Variants in ZFAT observed in about 807,000 individuals in gnomAD.
ZFAT encodes the protein zinc finger and AT-hook domain containing.
In ZFAT, 64 loss-of-function variants were observed where a neutral mutation model predicts 117.7. That is an observed-to-expected ratio of 0.54 (90% CI 0.44 to 0.67). ZFAT has a LOEUF of 0.67. Ranked by LOEUF, ZFAT falls within the 30% of genes least tolerant of loss-of-function variation. The pLI, the probability that ZFAT is intolerant of heterozygous loss-of-function variation, is 0.00. For missense variants in ZFAT, 1,433 were observed against 1,584.5 expected, an observed-to-expected ratio of 0.90 and a Z score of 1.62; for synonymous variants, 679 against 615.0, an observed-to-expected ratio of 1.10 and a Z score of -1.54.
the ZFAT span, among the ~76,000 whole-genome samples, chr8:134,748,037 GGGGTTGT>G: frequency 6.6e-6 from 1 of 152,174 alleles, no homozygotes; most frequent in Non-Finnish European, 1.5e-5. Flanking sequence ...AGAAATATCT[GGGGTTGT>G]GGTAGTTTTT....
intron 1 of ZFAT, among the ~76,000 whole-genome samples, chr8:134,706,698 CA>C (rs1834160280): frequency 6.6e-6 from 1 of 151,800 alleles, no homozygotes; most frequent in Non-Finnish European, 1.5e-5. Context: ...ATCTCAAAAA[CA>C]AACAAACAAA....
chr8:134,677,511 G>A (rs1262891365), intron 1 of ZFAT, among the ~76,000 whole-genome samples: 1 of 152,106 alleles, frequency 6.6e-6, no homozygotes, highest in Non-Finnish European at 1.5e-5. Context: ...TTCTACCAGA[G>A]GTATGAAAAG....
At chr8:134,599,692 G>C in intron 7 of ZFAT, 6 of 434,180 alleles carry the variant, frequency 1.4e-5, no homozygotes, top group South Asian at 1.0e-4. Context: ...TTTGCTGTCT[G>C]TAGCATAAAA....
At chr8:134,815,224 C>CA in the ZFAT span, among the ~76,000 whole-genome samples, 2 of 152,166 alleles carry the variant, frequency 1.3e-5, no homozygotes, top group Admixed American at 1.3e-4. Context: ...AAAAGGAAAA[C>CA]AATCCACAAA....
intron 1 of ZFAT, among the ~76,000 whole-genome samples, chr8:134,676,929 T>C (rs1832834100): frequency 6.6e-6 from 1 of 152,176 alleles, no homozygotes; most frequent in Non-Finnish European, 1.5e-5. Flanking sequence ...CCAGAATCTC[T>C]GGGACACATT....
intron 1 of ZFAT, among the ~76,000 whole-genome samples, chr8:134,659,721 C>A (rs920618027): frequency 1.3e-5 from 2 of 152,088 alleles, no homozygotes; most frequent in Non-Finnish European, 2.9e-5. Context: ...ACTCCCCCAA[C>A]CCATTTCTCT....
chr8:134,821,610 G>C, the ZFAT span, among the ~76,000 whole-genome samples: 1 of 151,734 alleles, frequency 6.6e-6, no homozygotes, highest in Non-Finnish European at 1.5e-5. Context: ...AAGTAGAACA[G>C]TCATTTTCAA....
chr8:134,605,363 G>A (rs539107046), intron 5 of ZFAT, among the ~76,000 whole-genome samples: 6 of 152,046 alleles, frequency 3.9e-5, no homozygotes, highest in Admixed American at 2.0e-4. Flanking sequence ...TGGCTAACAC[G>A]GTGAAACCCC....
At chr8:134,657,266 G>GTT (rs901133190) in intron 2 of ZFAT, among the ~76,000 whole-genome samples, 14 of 152,328 alleles carry the variant, frequency 9.2e-5, no homozygotes, top group African/African-American at 3.4e-4. Flanking sequence ...AATGCAGCCA[G>GTT]TAGGTACTAG....
intron 1 of ZFAT, among the ~76,000 whole-genome samples, chr8:134,683,522 C>T (rs1329650808): frequency 2.0e-5 from 3 of 152,146 alleles, no homozygotes; most frequent in Non-Finnish European, 4.4e-5. Flanking sequence ...TGAACTGCTC[C>T]AGGAGGTGGC....
At chr8:134,544,896 C>T (rs773563799) in intron 11 of ZFAT, among the ~76,000 whole-genome samples, 1 of 152,154 alleles carries the variant, frequency 6.6e-6, no homozygotes, top group Non-Finnish European at 1.5e-5. Flanking sequence ...AGCTGAGCAT[C>T]ACCTAGCAAA....
intron 3 of ZFAT, among the ~76,000 whole-genome samples, chr8:134,622,946 G>C (rs575311486): frequency 6.6e-6 from 1 of 152,152 alleles, no homozygotes; most frequent in East Asian, 1.9e-4. Context: ...ACCATGACTT[G>C]ATGCTGTACC....
At chr8:134,500,001 A>G (rs1818851562) in intron 15 of ZFAT, among the ~76,000 whole-genome samples, 1 of 152,194 alleles carries the variant, frequency 6.6e-6, no homozygotes, top group African/African-American at 2.4e-5. Context: ...TCTGGTGGGA[A>G]TGAAAAACAA....
chr8:134,571,141 C>A (rs1471798204), intron 10 of ZFAT, among the ~76,000 whole-genome samples: 1 of 152,212 alleles, frequency 6.6e-6, no homozygotes, highest in East Asian at 1.9e-4. Flanking sequence ...CTCTGGCACT[C>A]ATCACCTAAA....
rs559702131 is a variant in ZFAT, at chr8:134,496,331, C to T, written c.3492+13288G>A. Among the ~76,000 whole-genome samples the T allele has an allele frequency of 7.0e-4, 107 of 152,342 alleles. 2 individuals carry two copies. In the South Asian group the frequency reaches 0.022, roughly 31 times the overall value. On this transcript the variant is annotated intron_variant, in intron 15 of 15. Transcript: ENST00000377838. ...CCCAAACAGTCTGGCTGTCTTTTAG[C>T]CCCTTGCTACACCACTGGCTGTGCC...
chr8:134,814,016 A>G, the ZFAT span, among the ~76,000 whole-genome samples: 2 of 152,312 alleles, frequency 1.3e-5, no homozygotes, highest in African/African-American at 4.8e-5. Flanking sequence ...ACACAGAATC[A>G]AGAGAAAGAA....
chr8:134,734,602 T>A, the ZFAT span, among the ~76,000 whole-genome samples: 1 of 152,196 alleles, frequency 6.6e-6, no homozygotes, highest in Non-Finnish European at 1.5e-5. Flanking sequence ...GTGGGCAGGA[T>A]GCCAGGGGAG....
chr8:134,568,757 A>G (rs1824663417), intron 10 of ZFAT, among the ~76,000 whole-genome samples: 1 of 152,224 alleles, frequency 6.6e-6, no homozygotes, highest in Non-Finnish European at 1.5e-5. Context: ...TTCAGCAACC[A>G]CTGCCAGCAC....
the ZFAT span, among the ~76,000 whole-genome samples, chr8:134,831,851 G>C: frequency 1.3e-5 from 2 of 151,998 alleles, no homozygotes; most frequent in South Asian, 4.2e-4. Context: ...CCCGACACAA[G>C]TGACCCCACG....
Sources: gnomAD v4.1 joint callset for allele counts (sites outside exome capture counted in the v4.1 genomes callset) on GRCh38, gnomAD v4.1.1 for gene constraint, MANE v1.5 for transcripts, NCBI Gene and HGNC (gene_info 2026-07-23, HGNC 2026-07-21) for gene names.